Variants in LUC7L observed in about 807,000 individuals in gnomAD.
LUC7L encodes the protein LUC7 like.
In LUC7L, 29 loss-of-function variants were observed where a neutral mutation model predicts 51.1. The ratio of observed to expected loss-of-function variants is 0.57; its 90% CI spans 0.42 to 0.77. The LOEUF is 0.77. Among genes scored for constraint, LUC7L ranks in the 30% least tolerant of loss-of-function variants. LUC7L has a pLI of 0.00. For synonymous variants in LUC7L, 181 were observed against 180.7 expected (o/e 1.00, Z -0.01); for missense variants, 403 against 511.9 (o/e 0.79, Z 2.05).
At chr16:193,694 C>T (rs2049073168) in intron 6 of LUC7L, among the ~76,000 whole-genome samples, 1 of 151,994 alleles carries the variant, frequency 6.6e-6, no homozygotes, top group Admixed American at 6.5e-5. Flanking sequence ...GGGGTTTCAC[C>T]ATGTTGGTCT....
rs1291536123 is a variant in LUC7L, at chr16:222,966, AAAAAG to A, written c.157-2224_157-2220del. 2.7e-3 allele frequency among the ~76,000 whole-genome samples: 406 copies of A among 151,566 alleles called. 4 individuals carry two copies. The highest frequency in any genetic ancestry group is 8.9e-3 in the African/African-American group (370 of 41,360). On this transcript the variant is annotated intron_variant, in intron 2 of 9. Transcript: ENST00000293872. ...CCCCGTCTTTTAAAAAAAAAAAAAA[AAAAAG>A]AAAGGAAGGCTTTAAACCTTTAATC...
chr16:229,006 G>A, intron 1 of LUC7L: 1 of 1,445,696 alleles, frequency 6.9e-7, no homozygotes, highest in African/African-American at 1.4e-5. Flanking sequence ...GGCGCCCGCC[G>A]GGGAGGAAGT....
chr16:228,766 GA>G, intron 1 of LUC7L: 1 of 1,279,262 alleles, frequency 7.8e-7, no homozygotes, highest in Non-Finnish European at 1.0e-6. Flanking sequence ...GGGGCAGCTG[GA>G]AAAGTACTTG....
intron 9 of LUC7L, 187 bp from the exon 10 acceptor site, chr16:189,526 C>A: frequency 7.2e-7 from 1 of 1,390,632 alleles, no homozygotes; most frequent in Non-Finnish European, 9.3e-7. Context: ...TAAAAAGTGA[C>A]CTTTGCGAAG....
At chr16:220,793 G>T (rs200835419) in intron 2 of LUC7L, 46 bp from the exon 3 acceptor site, 2 of 1,300,160 alleles carry the variant, frequency 1.5e-6, no homozygotes, top group Non-Finnish European at 2.2e-6. Flanking sequence ...CCTACCTACT[G>T]TAGAAAGCAC....
intron 8 of LUC7L, 124 bp downstream of exon 8, chr16:190,417 T>A: frequency 9.5e-7 from 1 of 1,051,264 alleles, no homozygotes; most frequent in Non-Finnish European, 1.5e-6. Context: ...CCTCTTGCCC[T>A]GTGCCCTTCA....
intron 9 of LUC7L, chr16:189,633 G>GA (rs919659483): frequency 3.7e-4 from 488 of 1,302,598 alleles, no homozygotes; most frequent in Middle Eastern, 1.2e-3. Flanking sequence ...AAACACAATG[G>GA]AAAAAAAAAT....
intron 9 of LUC7L, chr16:189,702 C>G: frequency 7.4e-7 from 1 of 1,353,610 alleles, no homozygotes; most frequent in Non-Finnish European, 9.5e-7. Flanking sequence ...CAAGTCTCAG[C>G]CACTCTGAGC....
chr16:190,105 C>T lies in LUC7L; in HGVS notation c.837G>A (p.Arg279=). 6.2e-7 allele frequency: 1 copy of T among 1,612,474 alleles called. No homozygotes were observed. Among genetic ancestry groups the T allele is most frequent in the Non-Finnish European group, 8.5e-7 (1 of 1,179,964 alleles). Residue 279 remains arginine, a synonymous_variant, in exon 9 of 10, where the codon CGG becomes CGA. Transcript: ENST00000293872. Reference sequence around the variant, plus strand: ...GTCGCTCTCGGGAGGTAGATCTTGACCGCCTCCGACGCCGATCCCGGGAGC... The same window carrying T: ...GTCGCTCTCGGGAGGTAGATCTTGATCGCCTCCGACGCCGATCCCGGGAGC... ...RSRSRDRRRR[R]SRSTSRERRK...
chr16:212,048 C>A (rs1447700708), intron 3 of LUC7L, among the ~76,000 whole-genome samples: 1 of 152,126 alleles, frequency 6.6e-6, no homozygotes, highest in Non-Finnish European at 1.5e-5. Flanking sequence ...AATCCTAGCA[C>A]TTTGGGAGGC....
At chr16:193,301 C>A (rs1037607265) in intron 6 of LUC7L, among the ~76,000 whole-genome samples, 2 of 151,730 alleles carry the variant, frequency 1.3e-5, no homozygotes, top group African/African-American at 4.9e-5. Context: ...CACATGCCAC[C>A]ACACCCAACT....
chr16:190,282 A>G (rs1245271685), intron 8 of LUC7L, 147 bp from the exon 9 acceptor site: 1 of 782,694 alleles, frequency 1.3e-6, no homozygotes, highest in Admixed American at 2.8e-5. Context: ...CCATCAGTTA[A>G]TCTCCAATGG....
chr16:199,605 C>T (rs1489678451), intron 5 of LUC7L, among the ~76,000 whole-genome samples: 1 of 151,942 alleles, frequency 6.6e-6, no homozygotes, highest in African/African-American at 2.4e-5. Context: ...AACCCCATCT[C>T]TATTAAAAAT....
At chr16:216,059 T>C (rs1407744813) in intron 3 of LUC7L, among the ~76,000 whole-genome samples, 1 of 152,008 alleles carries the variant, frequency 6.6e-6, no homozygotes, top group African/African-American at 2.4e-5. Flanking sequence ...TACAGTGCAA[T>C]GGCACGATCT....
intron 8 of LUC7L, 33 bp downstream of exon 8, chr16:190,508 T>C (rs201311591): frequency 1.9e-6 from 3 of 1,604,976 alleles, no homozygotes; most frequent in Admixed American, 1.7e-5. Flanking sequence ...GAAAAAAAAA[T>C]TTGAGAACAT....
At chr16:196,805 G>A (rs975739420) in intron 6 of LUC7L, among the ~76,000 whole-genome samples, 4 of 152,030 alleles carry the variant, frequency 2.6e-5, no homozygotes, top group Admixed American at 2.0e-4. Flanking sequence ...GGGATTACAG[G>A]TGTGAGCCAC....
At chr16:222,541 G>C (rs1181871525) in intron 2 of LUC7L, among the ~76,000 whole-genome samples, 2 of 152,034 alleles carry the variant, frequency 1.3e-5, no homozygotes, top group African/African-American at 4.8e-5. Flanking sequence ...GGGAGGCTGA[G>C]GGGAAGAGAT....
At chr16:201,923 T>C (rs1236151551) in intron 5 of LUC7L, among the ~76,000 whole-genome samples, 1 of 151,898 alleles carries the variant, frequency 6.6e-6, no homozygotes, top group Non-Finnish European at 1.5e-5. Context: ...TTTATACTTT[T>C]AGTAGAAATG....
At chr16:201,442 CTT>C (rs779419613) in intron 5 of LUC7L, among the ~76,000 whole-genome samples, 6 of 143,086 alleles carry the variant, frequency 4.2e-5, no homozygotes, top group Non-Finnish European at 3.1e-5. Flanking sequence ...ATTTACATAA[CTT>C]TTTTTTTTTT....
Sources: gnomAD v4.1 joint callset for allele counts (sites outside exome capture counted in the v4.1 genomes callset) on GRCh38, gnomAD v4.1.1 for gene constraint, MANE v1.5 for transcripts, NCBI Gene and HGNC (gene_info 2026-07-23, HGNC 2026-07-21) for gene names.